Variants in SLC25A48 observed in about 807,000 individuals in gnomAD.
SLC25A48 encodes CTC-321K16.1.
Under a neutral mutation model 32.2 loss-of-function variants are expected in SLC25A48, and 29 were observed. The ratio of observed to expected loss-of-function variants is 0.90; its 90% CI spans 0.67 to 1.23. SLC25A48 has a LOEUF of 1.23. Among genes scored for constraint, SLC25A48 ranks in the 50% most tolerant of loss-of-function variants. The pLI is 0.00. For missense variants in SLC25A48, 399 were observed against 422.7 expected, an observed-to-expected ratio of 0.94 and a Z score of 0.49; for synonymous variants, 164 against 172.3, an observed-to-expected ratio of 0.95 and a Z score of 0.38.
chr5:135,586,799 C>A (rs1236680238), intron 1 of SLC25A48, among the ~76,000 whole-genome samples: 1 of 152,110 alleles, frequency 6.6e-6, no homozygotes, highest in African/African-American at 2.4e-5. Flanking sequence ...ATATGTAGAT[C>A]AGCACCAAAT....
chr5:135,852,789 G>A lies in SLC25A48; in HGVS notation c.389G>A (p.Arg130Gln). ...LGGPVDLIKIRLQMQTQPFRD... is the reference protein window; with the variant it reads ...LGGPVDLIKIQLQMQTQPFRD... ...GGGCCCGTGGACCTCATCAAGATCC[G>A]GTTGCAGATGCAGACACAACCGTTT... The change falls in exon 4 of 8, where the codon CGG (arginine) becomes CAG (glutamine). Residue 130 changes from arginine (R) to glutamine (Q), a missense_variant. Physicochemically the swap from Arg to Gln is conservative, Grantham distance 43 (BLOSUM62 1). Transcript: ENST00000681962. 2.5e-6 allele frequency: 4 copies of A among 1,612,508 alleles called. No homozygotes were observed. Among genetic ancestry groups the A allele is most frequent in the Non-Finnish European group, 2.5e-6 (3 of 1,178,682 alleles).
chr5:135,657,701 T>C (rs1198310493), intron 3 of SLC25A48, among the ~76,000 whole-genome samples: 1 of 152,198 alleles, frequency 6.6e-6, no homozygotes, highest in Non-Finnish European at 1.5e-5. Flanking sequence ...CTAGTCTAAA[T>C]TCCCTGGGCA....
In SLC25A48 at chr5:135,665,048, A is replaced by G. The variant is rs1351211413; in HGVS notation, c.-521+30092A>G. Among the ~76,000 whole-genome samples the G allele has an allele frequency of 2.0e-5, 3 of 152,216 alleles. No homozygotes were observed. In the East Asian group the frequency reaches 5.8e-4, roughly 29 times the overall value. ...TAATTTACATTCCCACCAGCAGTGT[A>G]TAATCATTTCCTTTTTACCACATCC... On this transcript the variant is annotated intron_variant, in intron 3 of 10. Coordinates refer to the SLC25A48 transcript ENST00000646290.
intron 4 of SLC25A48, among the ~76,000 whole-genome samples, chr5:135,863,134 A>G (rs1388207314): frequency 6.6e-6 from 1 of 152,222 alleles, no homozygotes; most frequent in Non-Finnish European, 1.5e-5. Flanking sequence ...AGCATTAGGC[A>G]TAAGCAGGAG....
intron 2 of SLC25A48, among the ~76,000 whole-genome samples, chr5:135,847,191 C>T (rs1759494968): frequency 6.6e-6 from 1 of 152,208 alleles, no homozygotes; most frequent in Non-Finnish European, 1.5e-5. Context: ...AAGCTCTCTT[C>T]TCTCTTGCCT....
At chr5:135,624,147 T>C (rs1483030763) in intron 1 of SLC25A48, among the ~76,000 whole-genome samples, 1 of 152,198 alleles carries the variant, frequency 6.6e-6, no homozygotes, top group African/African-American at 2.4e-5. Flanking sequence ...TGATCACCGT[T>C]ACCTCCTTAG....
chr5:135,879,907 C>T, intron 6 of SLC25A48, 61 bp from the exon 7 acceptor site: 2 of 1,519,898 alleles, frequency 1.3e-6, no homozygotes, highest in Non-Finnish European at 1.8e-6. Context: ...TCTGCCCCTC[C>T]TTGGTGGCCC....
chr5:135,863,385 C>A (rs1561544059), intron 4 of SLC25A48, among the ~76,000 whole-genome samples: 1 of 152,100 alleles, frequency 6.6e-6, no homozygotes, highest in Non-Finnish European at 1.5e-5. Context: ...CTGGAAGCAT[C>A]AGGGCTGCAG....
At chr5:135,762,013 G>A (rs904499692) in intron 3 of SLC25A48, among the ~76,000 whole-genome samples, 2 of 152,174 alleles carry the variant, frequency 1.3e-5, no homozygotes, top group Non-Finnish European at 2.9e-5. Context: ...TCTGTCTGCC[G>A]AAGGAACGCA....
At chr5:135,790,400 T>C (rs1008535486) in intron 3 of SLC25A48, among the ~76,000 whole-genome samples, 3 of 151,992 alleles carry the variant, frequency 2.0e-5, no homozygotes, top group African/African-American at 7.2e-5. Flanking sequence ...GTCCTAGAAG[T>C]TGTTACTCTT....
intron 4 of SLC25A48, among the ~76,000 whole-genome samples, chr5:135,857,423 T>C (rs185676566): frequency 6.6e-6 from 1 of 152,224 alleles, no homozygotes; most frequent in African/African-American, 2.4e-5. Flanking sequence ...CAATGTGACA[T>C]GCTCACTCTA....
chr5:135,724,768 A>G (rs1755048756), intron 3 of SLC25A48, among the ~76,000 whole-genome samples: 1 of 152,212 alleles, frequency 6.6e-6, no homozygotes, highest in African/African-American at 2.4e-5. Context: ...TTTGAAATGG[A>G]AGGAGAGGCT....
At chr5:135,739,915 C>A (rs985674031) in intron 3 of SLC25A48, among the ~76,000 whole-genome samples, 1 of 152,078 alleles carries the variant, frequency 6.6e-6, no homozygotes, top group East Asian at 1.9e-4. Context: ...AACATAATTA[C>A]GTGAAAGTGA....
chr5:135,668,422 T>A (rs148506222), intron 3 of SLC25A48, among the ~76,000 whole-genome samples: 1 of 152,340 alleles, frequency 6.6e-6, no homozygotes, highest in African/African-American at 2.4e-5. Context: ...CTTGCAAGCA[T>A]CAGTCTAGTC....
chr5:135,871,849 G>T (rs201768138), intron 5 of SLC25A48, 131 bp downstream of exon 5: 62 of 1,532,660 alleles, frequency 4.0e-5, no homozygotes, highest in Non-Finnish European at 5.0e-5. Flanking sequence ...ACAATTCTTT[G>T]TTAGGTACCT....
At chr5:135,722,956 G>T (rs902609188) in intron 3 of SLC25A48, among the ~76,000 whole-genome samples, 3 of 152,256 alleles carry the variant, frequency 2.0e-5, no homozygotes, top group Admixed American at 2.0e-4. Context: ...CCATGAGGGG[G>T]TCACCCCCAG....
At chr5:135,805,673 A>AT (rs1458020018) in intron 3 of SLC25A48, among the ~76,000 whole-genome samples, 10 of 151,588 alleles carry the variant, frequency 6.6e-5, no homozygotes, top group African/African-American at 2.4e-4. Context: ...ACCCTGTGAT[A>AT]TTATTCATAA....
At chr5:135,584,828 A>G (rs1460724809) in intron 1 of SLC25A48, among the ~76,000 whole-genome samples, 1 of 152,276 alleles carries the variant, frequency 6.6e-6, no homozygotes, top group Non-Finnish European at 1.5e-5. Context: ...CTGTGATTAT[A>G]AGTATGCAAA....
chr5:135,634,266 C>T (rs1231007866), intron 2 of SLC25A48, among the ~76,000 whole-genome samples: 2 of 152,194 alleles, frequency 1.3e-5, no homozygotes, highest in South Asian at 2.1e-4. Context: ...GGCACAGGGT[C>T]CATCCTGCAA....
Sources: allele counts gnomAD v4.1 joint callset (sites outside exome capture counted in the v4.1 genomes callset), GRCh38; gene constraint gnomAD v4.1.1; transcripts MANE v1.5; gene names NCBI Gene and HGNC (gene_info 2026-07-23, HGNC 2026-07-21).